Variants in PXDN observed in about 807,000 individuals in gnomAD.
The protein encoded by PXDN is peroxidasin homolog.
In PXDN, 77 loss-of-function variants were observed where a neutral mutation model predicts 140.3. That is an observed-to-expected ratio of 0.55 (90% CI 0.46 to 0.66). The LOEUF (loss-of-function observed/expected upper bound fraction) is 0.66. PXDN is among the 30% of genes least tolerant of loss of function. PXDN has a pLI of 0.00. For synonymous variants in PXDN, 911 were observed against 857.4 expected (o/e 1.06, Z -1.09); for missense variants, 1,838 against 2,039.5 (o/e 0.90, Z 1.90).
chr2:1,724,616 AC>A (rs1685134462), intron 1 of PXDN, among the ~76,000 whole-genome samples: 1 of 152,030 alleles, frequency 6.6e-6, no homozygotes, highest in Non-Finnish European at 1.5e-5. Flanking sequence ...CAAAGAGACG[AC>A]CCTTTCCTCA....
chr2:1,701,342 G>C (rs992841924), intron 1 of PXDN, among the ~76,000 whole-genome samples: 1 of 152,168 alleles, frequency 6.6e-6, no homozygotes, highest in South Asian at 2.1e-4. Context: ...TGAAGGATTA[G>C]GACTTCATAA....
Position 1,647,921 on chromosome 2 carries a change from T to C in PXDN, c.3608+251A>G, listed in dbSNP as rs192096475. Among the ~76,000 whole-genome samples the C allele has an allele frequency of 1.1e-4, 16 of 152,190 alleles. No homozygotes were observed. The East Asian group carries it at 3.1e-3, about 30-fold the overall frequency. ...GTGCCACAGCTCAGCAAAGCTCCTC[T>C]CTTGGAACAAAACAGGCCGGTGGAA... On this transcript the variant is annotated intron_variant, in intron 17 of 22. Transcript: ENST00000252804.
rs527728365 is a variant in PXDN at position 1,699,025 on chromosome 2, GA to G, written c.201-5892del. ...TCTTAATGTACTAAAAATCCTACCA[GA>G]AAAAAAAAATGTCAAGAATTGTAGT... On this transcript the variant is annotated intron_variant, in intron 1 of 22. Coordinates refer to ENST00000252804, the MANE Select transcript of PXDN (RefSeq NM_012293.3). Among the ~76,000 whole-genome samples, 321 of 148,614 alleles carry G rather than the reference GA, an allele frequency of 2.2e-3. 1 individual carries two copies. The highest frequency in any genetic ancestry group is 7.3e-3 in the African/African-American group (296 of 40,610).
chr2:1,727,438 T>G (rs1170978319), intron 1 of PXDN, among the ~76,000 whole-genome samples: 1 of 152,240 alleles, frequency 6.6e-6, no homozygotes, highest in Admixed American at 6.5e-5. Flanking sequence ...ACGCACAGCC[T>G]TCCTCACTCC....
At position 1,653,700 on chromosome 2, in the gene PXDN, T is replaced by C; in HGVS notation, c.2032A>G (p.Ile678Val). The C allele has an allele frequency of 1.2e-6, 2 of 1,609,212 alleles. No individual in the cohort carries two copies. Among genetic ancestry groups the C allele is most frequent in the South Asian group, 2.2e-5 (2 of 89,490 alleles). ...YTVEQARAGE[I>V]FERTLQLIQE... ...ATGAGCTGCAATGTCCGTTCAAAGA[T>C]TTCTCCCGCCCGTGCCTGTTCAACT... Residue 678 changes from isoleucine (I) to valine (V), a missense_variant, in exon 16 of 23, where the codon ATC (isoleucine) becomes GTC (valine). This residue lies in a region of PXDN where 537 missense variants were observed against 583.9 expected (regional missense o/e 0.92). Transcript: ENST00000252804.
chr2:1,684,104 T>C lies in PXDN; in HGVS notation c.464A>G (p.Gln155Arg). 1 of 1,587,736 alleles carries C rather than the reference T, an allele frequency of 6.3e-7. No individual in the cohort carries two copies. Among genetic ancestry groups the C allele is most frequent in the African/African-American group, 1.3e-5 (1 of 74,522 alleles). Residue 155 changes from glutamine to arginine, a missense_variant, in exon 5 of 23, where the codon CAG (glutamine) becomes CGG (arginine). Coordinates refer to ENST00000252804, the MANE Select transcript of PXDN (RefSeq NM_012293.3). ...QIETLDPDSF[Q>R]HLPKLERLFL... ...CAGCCTCTCGAGCTTCGGGAGATGC[T>C]GGAACGAATCTGGGTCCAAAGTTTC...
At chr2:1,730,142 TG>T (rs2125489245) in intron 1 of PXDN, among the ~76,000 whole-genome samples, 1 of 152,376 alleles carries the variant, frequency 6.6e-6, no homozygotes, top group East Asian at 1.9e-4. Context: ...TTCTCCTGAA[TG>T]ACAGCAATGT....
intron 1 of PXDN, among the ~76,000 whole-genome samples, chr2:1,708,436 C>T (rs11127325): frequency 0.25 from 38,158 of 152,080 alleles, 5,221 homozygotes; most frequent in African/African-American, 0.32. Context: ...ACACCAAGAA[C>T]CCAGTCAGCC....
At position 1,635,328 on chromosome 2, in the gene PXDN, G is replaced by A. The variant is rs1297451012; in HGVS notation, c.4320+80C>T. 4 of 1,260,792 alleles carry A rather than the reference G, an allele frequency of 3.2e-6. No individual in the cohort carries two copies. In the Admixed American group the frequency reaches 5.9e-5, roughly 19 times the overall value. The allele number at this position is 1,260,792 out of a possible 1,614,324, so 78.1% of individuals were successfully genotyped here. ...GGAGGGGCCTGGCCCTGACATCTGG[G>A]CCACCCACCTGAGTGGTCACATGGG... is the stretch of plus-strand genomic sequence containing the variant. On this transcript the variant is annotated intron_variant, in intron 22 of 22. Transcript: ENST00000252804.
At position 1,649,155 on chromosome 2, in the gene PXDN, G is replaced by A. The variant is rs777393641; in HGVS notation, c.2625C>T (p.Cys875=). 5.6e-6 allele frequency: 9 copies of A among 1,611,054 alleles called. No homozygotes were observed. Among genetic ancestry groups the A allele is most frequent in the Non-Finnish European group, 7.6e-6 (9 of 1,178,938 alleles). ...CAGGGCTGGAGCGCACGAAGAACAT[G>A]CAGCGGGCCCCGCTCCTGGCCCGGG... is the stretch of plus-strand genomic sequence containing the variant. ...NDSRARSGAR[C]MFFVRSSPVC... is the part of the protein sequence containing the mutation. The change falls in exon 17 of 23, where the codon TGC becomes TGT. Residue 875 remains cysteine (C), a synonymous_variant. Coordinates refer to ENST00000252804, the MANE Select transcript of PXDN (RefSeq NM_012293.3). This position sits in a 1 kb window ranked among gnomAD's most constrained non-coding sequence, Gnocchi z 7.1.
rs1302550537 is a variant in PXDN, at chr2:1,685,979, G to A, written c.416+1653C>T. On this transcript the variant is annotated intron_variant, in intron 4 of 22. Coordinates refer to ENST00000252804, the MANE Select transcript of PXDN (RefSeq NM_012293.3). The surrounding 1 kb of genome is among the most constrained non-coding windows in gnomAD (Gnocchi z 5.1). ...CAAAGAGCCTTCTTTCTGGATCAGG[G>A]ACACTCAGATCCCCCTGGACTGCAT... 6.6e-6 allele frequency among the ~76,000 whole-genome samples: 1 copy of A among 152,202 alleles called. No individual in the cohort carries two copies. Among genetic ancestry groups the A allele is most frequent in the African/African-American group, 2.4e-5 (1 of 41,452 alleles).
intron 1 of PXDN, among the ~76,000 whole-genome samples, chr2:1,699,025 G>GA (rs527728365): frequency 0.017 from 2,494 of 148,600 alleles, 41 homozygotes; most frequent in Admixed American, 0.043. Flanking sequence ...AATCCTACCA[G>GA]AAAAAAAAAA....
At chr2:1,675,785 CACAG>C (rs113384307) in intron 8 of PXDN, among the ~76,000 whole-genome samples, 21 of 151,718 alleles carry the variant, frequency 1.4e-4, no homozygotes, top group Non-Finnish European at 1.3e-4. Context: ...TGTGCCTCAT[CACAG>C]TTTGAGCCCG....
intron 9 of PXDN, among the ~76,000 whole-genome samples, chr2:1,671,613 C>A (rs1683578947): frequency 6.6e-6 from 1 of 152,142 alleles, no homozygotes; most frequent in African/African-American, 2.4e-5. Context: ...AAATGTAATT[C>A]ATCAGAAAGA....
intron 1 of PXDN, among the ~76,000 whole-genome samples, chr2:1,724,111 T>C (rs1321398206): frequency 6.6e-6 from 1 of 152,230 alleles, no homozygotes; most frequent in Non-Finnish European, 1.5e-5. Flanking sequence ...ACAGACACTG[T>C]CGCATTTTGT....
In PXDN at chr2:1,643,414, G is replaced by C. The variant is rs111450110; in HGVS notation, c.3906C>G (p.Asp1302Glu). The change falls in exon 19 of 23, where the codon GAC becomes GAG. Residue 1302 changes from aspartate to glutamate, a missense_variant. This residue lies in a region of PXDN where 850 missense variants were observed against 894.1 expected (regional missense o/e 0.95). Coordinates refer to ENST00000252804, the MANE Select transcript of PXDN (RefSeq NM_012293.3). ...AEFPHGYGSC[D>E]EIPRVDLRVW... ...CCCGGAGGTCTACCCTGGGGATCTCGTCACAGCTGCCGTAGCCGTGAGGGA... is the reference window on the plus strand; with the variant it reads ...CCCGGAGGTCTACCCTGGGGATCTCCTCACAGCTGCCGTAGCCGTGAGGGA... 2.9e-5 allele frequency: 46 copies of C among 1,613,908 alleles called. No homozygotes were observed. The East Asian group carries it at 6.7e-4, about 23-fold the overall frequency.
At chr2:1,742,108 C>T (rs1572209619) in intron 1 of PXDN, among the ~76,000 whole-genome samples, 1 of 152,224 alleles carries the variant, frequency 6.6e-6, no homozygotes, top group East Asian at 1.9e-4. Flanking sequence ...TGCAATGCAT[C>T]CAGCCAGGAC....
chr2:1,683,704 G>A lies in PXDN; in HGVS notation c.512C>T (p.Thr171Ile), dbSNP rs1395776454. Reference sequence around the variant, plus strand: ...ATTAAATGTCCCTGGAACTAAATGTGTAATCCGGTTGTTATGCAAAAATCT... The same window carrying A: ...ATTAAATGTCCCTGGAACTAAATGTATAATCCGGTTGTTATGCAAAAATCT... ...ERLFLHNNRI[T>I]HLVPGTFNHL... is the part of the protein sequence containing the mutation. Residue 171 changes from threonine to isoleucine, a missense_variant, in exon 6 of 23, where the codon ACA becomes ATA. Physicochemically the swap from Thr to Ile is moderately conservative, Grantham distance 89. This residue lies in a region of PXDN where 208 missense variants were observed against 325.8 expected (regional missense o/e 0.64). Transcript: ENST00000252804. The A allele has an allele frequency of 6.8e-6, 11 of 1,606,528 alleles. No individual in the cohort carries two copies. Among genetic ancestry groups the A allele is most frequent in the Non-Finnish European group, 8.5e-6 (10 of 1,177,514 alleles).
rs761426634 is a variant in PXDN, at chr2:1,744,446, G to A, written c.10C>T (p.Arg4Cys). 5.4e-6 allele frequency: 8 copies of A among 1,488,732 alleles called. No homozygotes were observed. The highest frequency in any genetic ancestry group is 7.1e-6 in the Non-Finnish European group (8 of 1,126,564). 92.2% of individuals were successfully genotyped at this position (1,488,732 alleles called of 1,614,324 possible). The change falls in exon 1 of 23, where the codon CGC (arginine) becomes TGC (cysteine). Residue 4 changes from arginine (R) to cysteine (C), a missense_variant. Transcript: ENST00000252804. MAK[R>C]SRGPGRRCLL... ...CAGCGGCGCCCGGGGCCCCTGGAGCGCTTGGCCATGGCCGACGGCGCGGAC... is the reference window on the plus strand; with the variant it reads ...CAGCGGCGCCCGGGGCCCCTGGAGCACTTGGCCATGGCCGACGGCGCGGAC...
Sources: allele counts gnomAD v4.1 joint callset (sites outside exome capture counted in the v4.1 genomes callset), GRCh38; gene constraint gnomAD v4.1.1; regional missense constraint gnomAD v4.1.1; non-coding constraint Gnocchi (gnomAD v3.1); transcripts MANE v1.5; gene names NCBI Gene and HGNC (gene_info 2026-07-23, HGNC 2026-07-21).